The following PGM5 variants were observed in gnomAD, a reference collection of about 807,000 sequenced individuals.
PGM5 encodes the protein phosphoglucomutase 5, also known as phosphoglucomutase-like protein 5.
In PGM5, 23 loss-of-function variants were observed where a neutral mutation model predicts 59.2. The ratio of observed to expected loss-of-function variants is 0.39; its 90% CI spans 0.28 to 0.55. The LOEUF (loss-of-function observed/expected upper bound fraction) is 0.55, where lower values mean the gene tolerates loss of function less well. PGM5 is among the 20% of genes least tolerant of loss of function. The probability of loss-of-function intolerance (pLI) is 0.66; values close to 1 mark genes in which losing one functional copy is unlikely to be tolerated. For synonymous variants in PGM5, 214 were observed against 286.0 expected, an observed-to-expected ratio of 0.75 and a Z score of 2.54; for missense variants, 574 against 748.3, an observed-to-expected ratio of 0.77 and a Z score of 2.72.
At chr9:68,390,776 C>G (rs1386310340) in intron 4 of PGM5, among the ~76,000 whole-genome samples, 4 of 152,104 alleles carry the variant, frequency 2.6e-5, no homozygotes, top group African/African-American at 9.7e-5. Context: ...ATTATTCCGT[C>G]AAGTTCCACC....
chr9:68,463,773 AT>A (rs2132078291), intron 6 of PGM5, among the ~76,000 whole-genome samples: 1 of 152,302 alleles, frequency 6.6e-6, no homozygotes, highest in Admixed American at 6.5e-5. Context: ...TAAGTCAAAA[AT>A]ATTGTTAAGT....
At chr9:68,415,833 A>G (rs1231362945) in intron 6 of PGM5, among the ~76,000 whole-genome samples, 10 of 116,142 alleles carry the variant, frequency 8.6e-5, no homozygotes, top group African/African-American at 2.9e-4. Flanking sequence ...TCTATCATCT[A>G]CACACACTAA....
At chr9:68,408,062 G>A (rs1822854861) in intron 6 of PGM5, among the ~76,000 whole-genome samples, 1 of 152,178 alleles carries the variant, frequency 6.6e-6, no homozygotes, top group Admixed American at 6.5e-5. Flanking sequence ...AATTTCACTG[G>A]TACTCTAGGG....
At chr9:68,528,029 T>C (rs1232171724) in intron 10 of PGM5, among the ~76,000 whole-genome samples, 1 of 152,202 alleles carries the variant, frequency 6.6e-6, no homozygotes, top group Non-Finnish European at 1.5e-5. Context: ...TTTCCTTGTG[T>C]TCCTGTTGTG....
intron 2 of PGM5, among the ~76,000 whole-genome samples, chr9:68,382,315 T>C (rs1401992142): frequency 1.3e-5 from 2 of 151,624 alleles, no homozygotes; most frequent in African/African-American, 4.8e-5. Flanking sequence ...AAAACAAAAA[T>C]GTAAAAGAAT....
At chr9:68,503,761 C>T (rs868976490) in intron 10 of PGM5, among the ~76,000 whole-genome samples, 3 of 152,216 alleles carry the variant, frequency 2.0e-5, no homozygotes, top group African/African-American at 7.2e-5. Flanking sequence ...GCAGGCTGCA[C>T]ATCAGAACCA....
Position 68,479,513 on chromosome 9 carries a change from C to G in PGM5, c.1255C>G (p.Arg419Gly). 7 of 1,613,992 alleles carry G rather than the reference C, an allele frequency of 4.3e-6. No homozygotes were observed. Among genetic ancestry groups the G allele is most frequent in the African/African-American group, 1.3e-5 (1 of 74,978 alleles). ...ARKQSVEEIV[R>G]DHWAKFGRHY... is the part of the protein sequence containing the mutation. ...GAAGCAGAGTGTGGAGGAAATTGTC[C>G]GAGATCACTGGGCCAAATTTGGCCG... Residue 419 changes from arginine to glycine, a missense_variant, in exon 8 of 11, where the codon CGA becomes GGA. By Grantham distance (125) the Arg-to-Gly change is moderately radical. Transcript: ENST00000396396.
chr9:68,499,118 C>A, intron 9 of PGM5, 109 bp from the exon 10 acceptor site: 1 of 1,174,370 alleles, frequency 8.5e-7, no homozygotes, highest in Non-Finnish European at 1.2e-6. Context: ...GGTCTTGATT[C>A]TGATTGTGTT....
chr9:68,449,163 G>C (rs1248763834), intron 6 of PGM5, among the ~76,000 whole-genome samples: 2 of 152,082 alleles, frequency 1.3e-5, no homozygotes, highest in African/African-American at 4.8e-5. Context: ...CATTTATGAG[G>C]GCTTCACCTT....
intron 7 of PGM5, chr9:68,466,072 A>G (rs1823929350): frequency 9.1e-7 from 1 of 1,096,296 alleles, no homozygotes; most frequent in African/African-American, 1.6e-5. Context: ...GGCTCCAATT[A>G]CACATGTGTT....
At chr9:68,470,412 A>T (rs1349254759) in intron 7 of PGM5, among the ~76,000 whole-genome samples, 1 of 152,218 alleles carries the variant, frequency 6.6e-6, no homozygotes, top group Non-Finnish European at 1.5e-5. Context: ...TAACATGTTT[A>T]GGGCCATGCC....
chr9:68,521,769 C>T (rs1824902828), intron 10 of PGM5, among the ~76,000 whole-genome samples: 1 of 152,090 alleles, frequency 6.6e-6, no homozygotes, highest in Admixed American at 6.6e-5. Flanking sequence ...AAACCATGGC[C>T]AGGGAAACAG....
intron 9 of PGM5, among the ~76,000 whole-genome samples, chr9:68,489,218 G>C (rs1554687740): frequency 5.3e-5 from 8 of 152,118 alleles, no homozygotes. Flanking sequence ...TCTGATAGAA[G>C]GAATACTCCA....
chr9:68,433,267 C>T (rs367950686), intron 6 of PGM5, among the ~76,000 whole-genome samples: 1 of 152,236 alleles, frequency 6.6e-6, no homozygotes, highest in East Asian at 1.9e-4. Flanking sequence ...TGCTTCTTCA[C>T]ATCTCTGTGA....
At chr9:68,392,864 G>T (rs1372730112) in intron 6 of PGM5, among the ~76,000 whole-genome samples, 1 of 152,138 alleles carries the variant, frequency 6.6e-6, no homozygotes, top group Non-Finnish European at 1.5e-5. Context: ...TAACCTGAAA[G>T]TGTGTATGTA....
At chr9:68,363,774 T>C (rs1187793537) in intron 1 of PGM5, among the ~76,000 whole-genome samples, 2 of 152,306 alleles carry the variant, frequency 1.3e-5, no homozygotes, top group Non-Finnish European at 2.9e-5. Flanking sequence ...GGAGGGCAGA[T>C]GCGTTAGCCT....
chr9:68,490,767 G>T lies in PGM5; in HGVS notation c.1479+6719G>T, dbSNP rs533342129. Among the ~76,000 whole-genome samples, 78 of 152,226 alleles carry T rather than the reference G, an allele frequency of 5.1e-4. 1 individual carries two copies. Among genetic ancestry groups the T allele is most frequent in the African/African-American group, 1.7e-3 (71 of 41,540 alleles). ...TGCCATTTGCTGGAGTGTGGTTTGC[G>T]CATCTGGAAGTAGAGCCTCAGAAAT... On this transcript the variant is annotated intron_variant, in intron 9 of 10. Coordinates refer to ENST00000396396, the MANE Select transcript of PGM5 (RefSeq NM_021965.4).
intron 6 of PGM5, among the ~76,000 whole-genome samples, chr9:68,421,754 G>C (rs1424241144): frequency 8.6e-5 from 13 of 151,852 alleles, no homozygotes; most frequent in Non-Finnish European, 1.6e-4. Flanking sequence ...GAAATACTTA[G>C]AGCTGATTCT....
chr9:68,499,347 G>T lies in PGM5; in HGVS notation c.1600G>T (p.Asp534Tyr). 1.2e-6 allele frequency: 2 copies of T among 1,614,054 alleles called. No homozygotes were observed. The highest frequency in any genetic ancestry group is 2.2e-5 in the South Asian group (2 of 91,048). Residue 534 changes from aspartate (D) to tyrosine (Y), a missense_variant, in exon 10 of 11, where the codon GAC becomes TAC. Physicochemically the swap from Asp to Tyr is radical, Grantham distance 160 (BLOSUM62 -3). Around this residue, in one of 7 missense-constraint regions of PGM5, gnomAD observed 300 missense variants for 280.0 expected, o/e 1.07. Coordinates refer to ENST00000396396, the MANE Select transcript of PGM5 (RefSeq NM_021965.4). Reference protein sequence around the residue: ...ESYERDPSGHDQEPQAVLSPL... With the variant: ...ESYERDPSGHYQEPQAVLSPL... ...CTACGAGAGGGATCCCAGCGGCCAT[G>T]ACCAGGAGCCACAGGTACAGAAACA...
Sources: gnomAD v4.1 joint callset for allele counts (sites outside exome capture counted in the v4.1 genomes callset) on GRCh38, gnomAD v4.1.1 for gene constraint, gnomAD v4.1.1 regional missense constraint, MANE v1.5 for transcripts, NCBI Gene and HGNC (gene_info 2026-07-23, HGNC 2026-07-21) for gene names.